Variants in ANK2 observed in about 807,000 individuals in gnomAD.
ANK2 encodes ankyrin 2, also known as ankyrin-2.
Under a neutral mutation model 360.5 loss-of-function variants are expected in ANK2, and 83 were observed. The observed-to-expected ratio is 0.23, with a 90% CI of 0.19 to 0.28. The LOEUF (loss-of-function observed/expected upper bound fraction) is 0.28, where lower values mean the gene tolerates loss of function less well. Ranked by LOEUF, ANK2 falls within the 10% of genes least tolerant of loss-of-function variation. The pLI is 1.00. For synonymous variants in ANK2, 1,740 were observed against 1,759.5 expected, an observed-to-expected ratio of 0.99 and a Z score of 0.28; for missense variants, 4,201 against 4,795.7, an observed-to-expected ratio of 0.88 and a Z score of 3.66.
the ANK2 span, among the ~76,000 whole-genome samples, chr4:112,709,546 C>T: frequency 1.3e-5 from 2 of 151,950 alleles, no homozygotes; most frequent in African/African-American, 4.8e-5. Flanking sequence ...ATCCGGAGTT[C>T]GAGACCAGCC....
intron 1 of ANK2, among the ~76,000 whole-genome samples, chr4:112,885,752 G>T (rs531609434): frequency 3.4e-5 from 4 of 118,314 alleles, no homozygotes; most frequent in Admixed American, 1.2e-4. Context: ...AGCCCAGATC[G>T]CACCACTGCA....
chr4:113,076,638 A>T (rs2080132570), intron 1 of ANK2, among the ~76,000 whole-genome samples: 1 of 152,050 alleles, frequency 6.6e-6, no homozygotes, highest in South Asian at 2.1e-4. Context: ...TCTGTAAAAA[A>T]TACAAAAATT....
At chr4:112,896,861 T>C (rs1434516166) in intron 1 of ANK2, among the ~76,000 whole-genome samples, 1 of 152,178 alleles carries the variant, frequency 6.6e-6, no homozygotes, top group Non-Finnish European at 1.5e-5. Context: ...ACCACCCTCA[T>C]AGTGAAGCTG....
chr4:113,323,269 C>T lies in ANK2; in HGVS notation c.2900+4649C>T, dbSNP rs548658432. On this transcript the variant is annotated intron_variant, in intron 26 of 45. Coordinates refer to ENST00000357077, the MANE Select transcript of ANK2 (RefSeq NM_001148.6). The stretch of plus-strand genomic sequence containing the variant: ...AGTAGGTAATTGATATTACCTACCC[C>T]GCTTTATAGTTTATGCTACTGTTTG... Among the ~76,000 whole-genome samples the T allele has an allele frequency of 1.1e-4, 16 of 152,114 alleles. No homozygotes were observed. The East Asian group carries it at 1.4e-3, about 13-fold the overall frequency.
chr4:112,849,198 A>G (rs2064039482), intron 1 of ANK2, among the ~76,000 whole-genome samples: 1 of 152,228 alleles, frequency 6.6e-6, no homozygotes, highest in African/African-American at 2.4e-5. Flanking sequence ...ATTTTTATAG[A>G]GGACATTTTG....
chr4:113,019,871 T>A lies in ANK2; in HGVS notation c.21+115357T>A, dbSNP rs965223834. 2.8e-4 allele frequency among the ~76,000 whole-genome samples: 43 copies of A among 151,982 alleles called. 1 individual carries two copies. Among genetic ancestry groups the A allele is most frequent in the Admixed American group, 2.8e-3 (42 of 15,244 alleles). On this transcript the variant is annotated intron_variant, in intron 2 of 30. Transcript: ENST00000503271. ...TATGTTTACATTGGTTTTTTTTTTT[T>A]AAACCTAGGCTAGGAAGGGATTACC...
chr4:113,120,762 A>G (rs1325489459), intron 1 of ANK2, among the ~76,000 whole-genome samples: 2 of 151,916 alleles, frequency 1.3e-5, no homozygotes, highest in Non-Finnish European at 2.9e-5. Flanking sequence ...CCTCCTCCCA[A>G]CCTGCATCCT....
chr4:113,166,417 A>G (rs1055049203), intron 1 of ANK2, among the ~76,000 whole-genome samples: 6 of 152,062 alleles, frequency 3.9e-5, no homozygotes, highest in African/African-American at 1.4e-4. Context: ...GCGTATATTT[A>G]CACTCATATA....
At chr4:112,826,644 C>T (rs549166360) in intron 1 of ANK2, 90 of 1,079,754 alleles carry the variant, frequency 8.3e-5, no homozygotes, top group Admixed American at 3.0e-4. Context: ...CAGTGAAAAA[C>T]GGGTGACCAC....
chr4:112,914,013 T>G (rs1440858639), intron 2 of ANK2, among the ~76,000 whole-genome samples: 1 of 152,108 alleles, frequency 6.6e-6, no homozygotes. Context: ...ACATCACACT[T>G]TGAGATAGTT....
chr4:113,183,641 A>C (rs2098458936), intron 2 of ANK2, among the ~76,000 whole-genome samples: 1 of 152,216 alleles, frequency 6.6e-6, no homozygotes, highest in South Asian at 2.1e-4. Flanking sequence ...TGAGTAGATT[A>C]GCAAGAGAGT....
chr4:113,220,317 T>G (rs1157264374), intron 4 of ANK2, among the ~76,000 whole-genome samples: 1 of 152,160 alleles, frequency 6.6e-6, no homozygotes, highest in Non-Finnish European at 1.5e-5. Context: ...AGGAGAGAAG[T>G]TCAGCTTTAT....
chr4:113,077,742 A>T (rs1473531892), intron 1 of ANK2, among the ~76,000 whole-genome samples: 2 of 152,198 alleles, frequency 1.3e-5, no homozygotes, highest in Non-Finnish European at 2.9e-5. Context: ...CTTCTGTGCA[A>T]ATCTTGTTCA....
intron 1 of ANK2, among the ~76,000 whole-genome samples, chr4:112,897,668 C>T (rs1164476106): frequency 6.6e-6 from 1 of 152,130 alleles, no homozygotes; most frequent in African/African-American, 2.4e-5. Context: ...ATGCTCAGCT[C>T]TCCATGCTGT....
intron 1 of ANK2, among the ~76,000 whole-genome samples, chr4:113,122,350 C>T (rs544519084): frequency 6.6e-6 from 1 of 152,120 alleles, no homozygotes; most frequent in African/African-American, 2.4e-5. Flanking sequence ...AGTCAAGAAC[C>T]ATGTATGCAC....
intron 1 of ANK2, chr4:113,117,457 TCTGTGTAGCA>T: frequency 2.2e-6 from 1 of 455,774 alleles, no homozygotes; most frequent in Non-Finnish European, 4.4e-6. Flanking sequence ...TCTCTGCAGC[TCTGTGTAGCA>T]CCATCAGCCT....
chr4:112,734,211 T>C, the ANK2 span, among the ~76,000 whole-genome samples: 1 of 152,148 alleles, frequency 6.6e-6, no homozygotes, highest in Non-Finnish European at 1.5e-5. Flanking sequence ...TGATGAAAAG[T>C]GTGAATTCAA....
intron 35 of ANK2, 67 bp from the exon 36 acceptor site, chr4:113,348,209 C>T (rs2095088990): frequency 5.9e-6 from 9 of 1,524,934 alleles, no homozygotes; most frequent in Non-Finnish European, 8.2e-6. Context: ...CTTTCCTTTT[C>T]TTCTAAATAC....
chr4:112,885,198 AT>A (rs1237126523), intron 1 of ANK2, among the ~76,000 whole-genome samples: 4 of 152,102 alleles, frequency 2.6e-5, no homozygotes, highest in African/African-American at 9.7e-5. Flanking sequence ...TCAACTCTTT[AT>A]TTAAAAATTA....
Sources: gnomAD v4.1 joint callset for allele counts (sites outside exome capture counted in the v4.1 genomes callset) on GRCh38, gnomAD v4.1.1 for gene constraint, MANE v1.5 for transcripts, NCBI Gene and HGNC (gene_info 2026-07-23, HGNC 2026-07-21) for gene names.